SCARB1: variants seen among roughly 807,000 people sequenced by gnomAD.
SCARB1 encodes the protein CD36 and LIMPII analogous 1.
A neutral mutation model predicts 57.2 loss-of-function variants in SCARB1; 30 were observed. That is an observed-to-expected ratio of 0.52 (90% CI 0.39 to 0.71). The LOEUF (loss-of-function observed/expected upper bound fraction) is 0.71. SCARB1 is among the 30% of genes least tolerant of loss of function. The probability of loss-of-function intolerance (pLI) is 0.00; values close to 1 mark genes in which losing one functional copy is unlikely to be tolerated. For synonymous variants in SCARB1, 249 were observed against 268.3 expected (o/e 0.93, Z 0.70); for missense variants, 543 against 671.2 (o/e 0.81, Z 2.11).
intron 1 of SCARB1, among the ~76,000 whole-genome samples, chr12:124,839,021 C>A (rs1442428889): frequency 1.3e-5 from 2 of 152,126 alleles, no homozygotes; most frequent in Non-Finnish European, 2.9e-5. Flanking sequence ...GATCCACCCA[C>A]CTTGGGCTCC....
chr12:124,863,481 C>G (rs974874947), intron 1 of SCARB1, 114 bp downstream of exon 1: 6 of 1,162,564 alleles, frequency 5.2e-6, no homozygotes, highest in Admixed American at 2.7e-5. Context: ...GCGCCAGGCC[C>G]GGGCGCCGAT....
intron 9 of SCARB1, among the ~76,000 whole-genome samples, chr12:124,792,647 G>C (rs971439053): frequency 6.6e-6 from 1 of 150,620 alleles, no homozygotes; most frequent in Non-Finnish European, 1.5e-5. Flanking sequence ...GCTGGAACCC[G>C]GGAGGCAGAG....
rs1292696188 is a variant in SCARB1 at position 124,815,134 on chromosome 12, G to A, written c.285-20C>T. The A allele has an allele frequency of 3.1e-6, 5 of 1,611,944 alleles. No homozygotes were observed. The African/African-American group carries it at 5.3e-5, about 17-fold the overall frequency. ...AACTCCCTGTGGGGGAAGCCAGTGG[G>A]TCAGACGCCCCGCCCCGCTGCATGG... On this transcript the variant is annotated intron_variant, in intron 2 of 12. Transcript: ENST00000261693.
chr12:124,845,261 C>T (rs1952095384), intron 1 of SCARB1, among the ~76,000 whole-genome samples: 1 of 152,188 alleles, frequency 6.6e-6, no homozygotes, highest in Non-Finnish European at 1.5e-5. Context: ...GCATGCAGTG[C>T]ACCCGCACCG....
chr12:124,838,261 C>T (rs1253285637), intron 1 of SCARB1, among the ~76,000 whole-genome samples: 1 of 152,222 alleles, frequency 6.6e-6, no homozygotes, highest in Non-Finnish European at 1.5e-5. Context: ...AGGGCCAGGG[C>T]GCAGACCTAG....
At chr12:124,782,576 G>A in intron 12 of SCARB1, 107 bp downstream of exon 12, 1 of 1,101,676 alleles carries the variant, frequency 9.1e-7, no homozygotes, top group South Asian at 1.4e-5. Context: ...CACTCCAGGT[G>A]AAGTTGAGGC....
Position 124,814,517 on chromosome 12 carries a change from A to C in SCARB1, c.427-112T>G. On this transcript the variant is annotated intron_variant, in intron 3 of 12. Coordinates refer to ENST00000261693, the MANE Select transcript of SCARB1 (RefSeq NM_005505.5). This position sits in a 1 kb window ranked among gnomAD's most constrained non-coding sequence, Gnocchi z 4.7. ...CCCATGAAGGGAAATGCTGGGGTGCAGGAGGCCCCTGGAGTGGCCACGTGG... is the reference window on the plus strand; with the variant it reads ...CCCATGAAGGGAAATGCTGGGGTGCCGGAGGCCCCTGGAGTGGCCACGTGG... 1 of 1,195,476 alleles carries C rather than the reference A, an allele frequency of 8.4e-7. No individual in the cohort carries two copies. The highest frequency in any genetic ancestry group is 2.4e-5 in the East Asian group (1 of 40,842). 74.1% of individuals were successfully genotyped at this position (1,195,476 alleles called of 1,614,324 possible). A position where few individuals can be genotyped will look rare whatever the true frequency, so the allele number is the denominator to read the frequency against.
At chr12:124,790,385 A>G (rs984895142) in intron 9 of SCARB1, among the ~76,000 whole-genome samples, 2 of 152,048 alleles carry the variant, frequency 1.3e-5, no homozygotes, top group Admixed American at 6.5e-5. Context: ...TCTCAACAAC[A>G]ACAACAACAA....
At chr12:124,787,549 G>A (rs1390443492) in intron 9 of SCARB1, 92 bp from the exon 10 acceptor site, 8 of 1,165,802 alleles carry the variant, frequency 6.9e-6, no homozygotes, top group Middle Eastern at 1.9e-4. Context: ...AACAGGTTTA[G>A]TATAATTTTG....
intron 1 of SCARB1, among the ~76,000 whole-genome samples, chr12:124,841,512 T>A (rs940214389): frequency 6.8e-6 from 1 of 147,410 alleles, no homozygotes. Context: ...CTGAGTCAGA[T>A]CATGGCTCTT....
chr12:124,829,722 C>T (rs764056071), intron 1 of SCARB1, among the ~76,000 whole-genome samples: 1 of 152,220 alleles, frequency 6.6e-6, no homozygotes, highest in Non-Finnish European at 1.5e-5. Context: ...CTCCGTGAGA[C>T]CTTCCCTGAG....
At chr12:124,844,700 C>T (rs1044536625) in intron 1 of SCARB1, among the ~76,000 whole-genome samples, 7 of 152,058 alleles carry the variant, frequency 4.6e-5, no homozygotes, top group African/African-American at 1.5e-4. Context: ...GAGGGGTCTC[C>T]GGAGAAGCCA....
At chr12:124,834,791 C>T (rs1951563287) in intron 1 of SCARB1, among the ~76,000 whole-genome samples, 1 of 152,066 alleles carries the variant, frequency 6.6e-6, no homozygotes. Context: ...ACTTGTAGTC[C>T]CAGCTACTTG....
At chr12:124,839,649 A>G (rs187688843) in intron 1 of SCARB1, 1 of 985,128 alleles carries the variant, frequency 1.0e-6, no homozygotes, top group Non-Finnish European at 1.2e-6. Flanking sequence ...TACATTCCCA[A>G]CGGCACACAT....
At chr12:124,811,794 C>A in intron 5 of SCARB1, 76 bp downstream of exon 5, 2 of 957,750 alleles carry the variant, frequency 2.1e-6, no homozygotes, top group Non-Finnish European at 3.3e-6. Flanking sequence ...CTGGTCCCTG[C>A]CACTCCCGAG....
rs918166619 is a variant in SCARB1 at position 124,807,224 on chromosome 12, T to A, written c.1009+537A>T. ...TCAAAAAAAATAATAATAAACAAGA[T>A]GGGGAGATTGTCCTGGGGTATCCAG... On this transcript the variant is annotated intron_variant, in intron 7 of 12. Transcript: ENST00000261693. The surrounding 1 kb of genome is among the most constrained non-coding windows in gnomAD (Gnocchi z 5.3). Among the ~76,000 whole-genome samples, 1 of 151,474 alleles carries A rather than the reference T, an allele frequency of 6.6e-6. No individual in the cohort carries two copies. Among genetic ancestry groups the A allele is most frequent in the African/African-American group, 2.4e-5 (1 of 41,156 alleles).
intron 1 of SCARB1, chr12:124,821,335 C>G (rs1950949951): frequency 2.0e-6 from 2 of 981,862 alleles, no homozygotes; most frequent in African/African-American, 3.5e-5. Context: ...GGTTTCTCAG[C>G]AGAGGCTGCT....
At position 124,820,634 on chromosome 12, in the gene SCARB1, C is replaced by A. The variant is rs141779674; in HGVS notation, c.127-2927G>T. On this transcript the variant is annotated intron_variant, in intron 1 of 12. Transcript: ENST00000261693. ...GGACAGACCCTGCAGCCCTGGGGAC[C>A]CTGCTCACCACAGGCCAGACCCCTT... Among the ~76,000 whole-genome samples, 355 of 152,304 alleles carry A rather than the reference C, an allele frequency of 2.3e-3. 2 individuals are homozygous for A. The South Asian group carries it at 0.037, about 16-fold the overall frequency.
chr12:124,812,023 G>A lies in SCARB1; in HGVS notation c.631-58C>T. ...CTTAGGCCTGCCATTGAGCCGGCCT[G>A]GTCTGAACATTCTGGGCTGAGCCCT... On this transcript the variant is annotated intron_variant, in intron 4 of 12. Coordinates refer to ENST00000261693, the MANE Select transcript of SCARB1 (RefSeq NM_005505.5). This position sits in a 1 kb window ranked among gnomAD's most constrained non-coding sequence, Gnocchi z 4.3. The A allele has an allele frequency of 1.5e-6, 2 of 1,337,834 alleles. No homozygotes were observed. Among genetic ancestry groups the A allele is most frequent in the Non-Finnish European group, 2.1e-6 (2 of 947,118 alleles). The allele number at this position is 1,337,834 out of a possible 1,614,324, so 82.9% of individuals were successfully genotyped here.
Sources: gnomAD v4.1 joint callset for allele counts (sites outside exome capture counted in the v4.1 genomes callset) on GRCh38, gnomAD v4.1.1 for gene constraint, Gnocchi (gnomAD v3.1) non-coding constraint, MANE v1.5 for transcripts, NCBI Gene and HGNC (gene_info 2026-07-23, HGNC 2026-07-21) for gene names.